Variants in BACE1 observed in about 807,000 individuals in gnomAD.
BACE1 encodes the protein beta-secretase 1, also known as APP beta-secretase.
A neutral mutation model predicts 54.0 loss-of-function variants in BACE1; 21 were observed. The ratio of observed to expected loss-of-function variants is 0.39; its 90% CI spans 0.28 to 0.56. The LOEUF (loss-of-function observed/expected upper bound fraction) is 0.56, where lower values mean the gene tolerates loss of function less well. BACE1 is among the 20% of genes least tolerant of loss of function. The pLI, the probability that BACE1 is intolerant of heterozygous loss-of-function variation, is 0.63. For missense variants in BACE1, 511 were observed against 661.2 expected, an observed-to-expected ratio of 0.77 and a Z score of 2.49; for synonymous variants, 232 against 260.9, an observed-to-expected ratio of 0.89 and a Z score of 1.07.
At chr11:117,314,096 C>G (rs948599212) in intron 1 of BACE1, among the ~76,000 whole-genome samples, 2 of 152,230 alleles carry the variant, frequency 1.3e-5, no homozygotes, top group African/African-American at 2.4e-5. Context: ...CAGCCCCGTC[C>G]TGCATCGTGC....
chr11:117,304,930 G>C (rs899108002), intron 1 of BACE1, among the ~76,000 whole-genome samples: 1 of 149,058 alleles, frequency 6.7e-6, no homozygotes, highest in African/African-American at 2.5e-5. Flanking sequence ...ATTCCCTGCA[G>C]TTAATTCCTA....
At chr11:117,295,061 CTCTCCTAATTCCT>C (rs2034561890) in intron 3 of BACE1, 57 bp downstream of exon 3, 7 of 1,431,656 alleles carry the variant, frequency 4.9e-6, no homozygotes, top group Non-Finnish European at 6.9e-6. Flanking sequence ...TTCCCCTTCT[CTCTCCTAATTCCT>C]TCTCTGTATA....
intron 5 of BACE1, 51 bp from the exon 6 acceptor site, chr11:117,291,864 G>A (rs370895260): frequency 4.9e-5 from 70 of 1,421,922 alleles, no homozygotes; most frequent in Non-Finnish European, 5.1e-5. Context: ...TTGATGCTGG[G>A]CTCTGGGCAG....
chr11:117,311,242 C>T (rs2034937426), intron 1 of BACE1, among the ~76,000 whole-genome samples: 1 of 152,050 alleles, frequency 6.6e-6, no homozygotes, highest in Non-Finnish European at 1.5e-5. Context: ...ACTCAGGAGC[C>T]TGAGGCAGGA....
chr11:117,304,383 C>T (rs2034786517), intron 1 of BACE1, among the ~76,000 whole-genome samples: 1 of 152,242 alleles, frequency 6.6e-6, no homozygotes, highest in South Asian at 2.1e-4. Flanking sequence ...AGCCAACACA[C>T]GGAATCCTGA....
At chr11:117,310,803 G>GATA (rs1229456266) in intron 1 of BACE1, among the ~76,000 whole-genome samples, 1 of 152,174 alleles carries the variant, frequency 6.6e-6, no homozygotes, top group Non-Finnish European at 1.5e-5. Flanking sequence ...ATAAGCAGGT[G>GATA]TAATGGGAGA....
At chr11:117,299,888 CAAAG>C (rs1038550276) in intron 1 of BACE1, among the ~76,000 whole-genome samples, 1 of 152,176 alleles carries the variant, frequency 6.6e-6, no homozygotes, top group Non-Finnish European at 1.5e-5. Context: ...CACTGGACCC[CAAAG>C]AAAGAGGATC....
In BACE1 at chr11:117,286,175, A is replaced by T. The variant is rs1443084011; in HGVS notation, c.*3391T>A. ...TTTTAATTTTTGAAGCAAGAAAGTT[A>T]GGGGGGGACATATTTCCTGTCCTGG... On this transcript the variant is annotated 3_prime_UTR_variant, in exon 9 of 9. Coordinates refer to ENST00000313005, the MANE Select transcript of BACE1 (RefSeq NM_012104.6). 1 of 152,630 alleles carries T rather than the reference A, an allele frequency of 6.6e-6. No individual in the cohort carries two copies. The highest frequency in any genetic ancestry group is 1.5e-5 in the Non-Finnish European group (1 of 68,042). 9.5% of individuals were successfully genotyped at this position (152,630 alleles called of 1,614,324 possible). A position where few individuals can be genotyped will look rare whatever the true frequency, so the allele number is the denominator to read the frequency against.
chr11:117,314,819 C>G (rs1341882143), intron 1 of BACE1: 3 of 152,638 alleles, frequency 2.0e-5, no homozygotes, highest in African/African-American at 7.2e-5. Flanking sequence ...GAGTCCCACT[C>G]TTAAAAGGGA....
chr11:117,304,138 G>T (rs1226231962), intron 1 of BACE1, among the ~76,000 whole-genome samples: 1 of 152,228 alleles, frequency 6.6e-6, no homozygotes, highest in Non-Finnish European at 1.5e-5. Context: ...TGGGCAACAG[G>T]ATATCAGCAA....
At chr11:117,298,898 T>A (rs2034659803) in intron 1 of BACE1, among the ~76,000 whole-genome samples, 1 of 152,194 alleles carries the variant, frequency 6.6e-6, no homozygotes, top group African/African-American at 2.4e-5. Context: ...CTCCGCCTCC[T>A]GGGTTCAAGT....
At chr11:117,312,386 C>T (rs898492191) in intron 1 of BACE1, among the ~76,000 whole-genome samples, 2 of 152,174 alleles carry the variant, frequency 1.3e-5, no homozygotes, top group Admixed American at 6.5e-5. Context: ...GTCCCTGGTG[C>T]GGCTTTCCTG....
chr11:117,300,465 G>C (rs369791145), intron 1 of BACE1, among the ~76,000 whole-genome samples: 2 of 152,024 alleles, frequency 1.3e-5, no homozygotes, highest in Non-Finnish European at 2.9e-5. Context: ...CGGGGGGATG[G>C]GGGGGGCTCT....
chr11:117,290,416 G>C lies in BACE1; in HGVS notation c.1264+72C>G. Reference sequence around the variant, plus strand: ...CTCCCCTAAACTGACAGGGACCCAGGTATACTAACTGTTGTTTGACAAGGA... The same window carrying C: ...CTCCCCTAAACTGACAGGGACCCAGCTATACTAACTGTTGTTTGACAAGGA... On this transcript the variant is annotated intron_variant, in intron 8 of 8. Coordinates refer to ENST00000313005, the MANE Select transcript of BACE1 (RefSeq NM_012104.6). 3 of 1,555,794 alleles carry C rather than the reference G, an allele frequency of 1.9e-6. No individual in the cohort carries two copies. The South Asian group carries it at 3.7e-5, about 19-fold the overall frequency.
At position 117,293,020 on chromosome 11, in the gene BACE1, C is replaced by A; in HGVS notation, c.840+34G>T. The A allele has an allele frequency of 1.2e-6, 2 of 1,610,604 alleles. No individual in the cohort carries two copies. Among genetic ancestry groups the A allele is most frequent in the East Asian group, 4.5e-5 (2 of 44,822 alleles). On this transcript the variant is annotated intron_variant, in intron 5 of 8. Transcript: ENST00000313005. This position sits in a 1 kb window ranked among gnomAD's most constrained non-coding sequence, Gnocchi z 4.1. ...TCCTTCACATTGTACTGCCTACCCC[C>A]TTATGTTCCCAGGCTCTCCCTTGGT... is the stretch of plus-strand genomic sequence containing the variant.
At chr11:117,294,209 A>C in intron 3 of BACE1, 1 of 401,778 alleles carries the variant, frequency 2.5e-6, no homozygotes, top group Non-Finnish European at 4.4e-6. Flanking sequence ...AGGTTCACAG[A>C]TTCATAGATC....
Position 117,287,487 on chromosome 11 carries a change from G to C in BACE1, c.*2079C>G, listed in dbSNP as rs1245982444. The C allele has an allele frequency of 6.6e-6, 1 of 152,568 alleles. No individual in the cohort carries two copies. The highest frequency in any genetic ancestry group is 6.5e-5 in the Admixed American group (1 of 15,272). 9.5% of individuals were successfully genotyped at this position (152,568 alleles called of 1,614,324 possible). On this transcript the variant is annotated 3_prime_UTR_variant, in exon 9 of 9. Coordinates refer to ENST00000313005, the MANE Select transcript of BACE1 (RefSeq NM_012104.6). ...TTTATAATTTTGGGGCAGGAAGGAAGTAACTGTAAAAAGAAAAACAAGTGC... is the reference window on the plus strand; with the variant it reads ...TTTATAATTTTGGGGCAGGAAGGAACTAACTGTAAAAAGAAAAACAAGTGC...
At chr11:117,297,229 TAGA>T (rs2134464073) in intron 1 of BACE1, 1 of 418,044 alleles carries the variant, frequency 2.4e-6, no homozygotes, top group African/African-American at 2.1e-5. Context: ...GGCAGATTAG[TAGA>T]AGAACTAATA....
At chr11:117,297,608 C>T (rs1423237002) in intron 1 of BACE1, among the ~76,000 whole-genome samples, 5 of 150,916 alleles carry the variant, frequency 3.3e-5, no homozygotes, top group Non-Finnish European at 7.4e-5. Flanking sequence ...CGACAGAGAC[C>T]CTGTCTCAAC....
Sources: allele counts gnomAD v4.1 joint callset (sites outside exome capture counted in the v4.1 genomes callset), GRCh38; gene constraint gnomAD v4.1.1; non-coding constraint Gnocchi (gnomAD v3.1); transcripts MANE v1.5; gene names NCBI Gene and HGNC (gene_info 2026-07-23, HGNC 2026-07-21).